Variants in CHRNA1 observed in about 807,000 individuals in gnomAD.
CHRNA1 encodes acetylcholine receptor subunit alpha.
In CHRNA1, 35 loss-of-function variants were observed where a neutral mutation model predicts 47.1. The ratio of observed to expected loss-of-function variants is 0.74; its 90% CI spans 0.57 to 0.99. The LOEUF is 0.99. Ranked by LOEUF, CHRNA1 falls within the 50% of genes least tolerant of loss-of-function variation. CHRNA1 has a pLI of 0.00. For synonymous variants in CHRNA1, 229 were observed against 223.6 expected, an observed-to-expected ratio of 1.02 and a Z score of -0.22; for missense variants, 506 against 591.1, an observed-to-expected ratio of 0.86 and a Z score of 1.49.
chr2:174,757,904 T>A, intron 3 of CHRNA1: 1 of 1,155,614 alleles, frequency 8.7e-7, no homozygotes, highest in Non-Finnish European at 1.3e-6. Flanking sequence ...TTAACTCATT[T>A]AGTCCTCACA....
At chr2:174,762,479 A>AT (rs1285109249) in intron 1 of CHRNA1, among the ~76,000 whole-genome samples, 2 of 152,266 alleles carry the variant, frequency 1.3e-5, no homozygotes, top group African/African-American at 4.8e-5. Context: ...TTCATGAAAT[A>AT]TTTGTTGAGC....
chr2:174,753,552 C>T lies in CHRNA1; in HGVS notation c.729G>A (p.Leu243=), dbSNP rs766474459. Residue 243 remains leucine (L), a synonymous_variant, in exon 6 of 9, where the codon CTG becomes CTA. Coordinates refer to ENST00000348749, the MANE Select transcript of CHRNA1 (RefSeq NM_000079.4). ...YFIVNVIIPC[L]LFSFLTGLVF... Reference sequence around the variant, plus strand: ...CCAGGCCAGTTAAGAAGGAGAAGAGCAGGCAGGGGATGATGACGTTGACGA... The same window carrying T: ...CCAGGCCAGTTAAGAAGGAGAAGAGTAGGCAGGGGATGATGACGTTGACGA... The T allele has an allele frequency of 6.2e-7, 1 of 1,614,164 alleles. No homozygotes were observed. Among genetic ancestry groups the T allele is most frequent in the African/African-American group, 1.3e-5 (1 of 75,026 alleles).
intron 4 of CHRNA1, among the ~76,000 whole-genome samples, chr2:174,754,990 A>G (rs1159131036): frequency 1.3e-5 from 2 of 151,222 alleles, no homozygotes. Context: ...GGCTCAAGCA[A>G]TTCTCCTGCC....
At chr2:174,759,708 G>A (rs1684062205) in intron 1 of CHRNA1, 75 bp from the exon 2 acceptor site, 7 of 1,587,760 alleles carry the variant, frequency 4.4e-6, no homozygotes, top group Non-Finnish European at 6.0e-6. Context: ...GAGGAACTGA[G>A]GAACTGAGGC....
At chr2:174,754,169 G>A (rs538486015) in intron 5 of CHRNA1, 50 bp downstream of exon 5, 39 of 1,568,506 alleles carry the variant, frequency 2.5e-5, no homozygotes, top group Admixed American at 2.0e-4. Flanking sequence ...TTGGAGACCC[G>A]AATCACAATT....
chr2:174,757,923 G>A (rs369214955), intron 3 of CHRNA1: 40 of 1,347,632 alleles, frequency 3.0e-5, no homozygotes, highest in Middle Eastern at 1.8e-4. Context: ...CAACAATCCC[G>A]TGAGGGGAGG....
intron 3 of CHRNA1, chr2:174,758,041 A>G: frequency 6.2e-7 from 1 of 1,614,096 alleles, no homozygotes; most frequent in Non-Finnish European, 8.5e-7. Context: ...ACAGAAAAGG[A>G]GAAAGACCTA....
Position 174,754,322 on chromosome 2 carries a change from C to G in CHRNA1, c.437G>C (p.Ser146Thr). The G allele has an allele frequency of 6.2e-7, 1 of 1,614,190 alleles. No individual in the cohort carries two copies. The highest frequency in any genetic ancestry group is 1.1e-5 in the South Asian group (1 of 91,080). ...GTGGGTGACGATGATCTCACAGTAGCTTTTAAAGATGGCTGGAGGTGTCCA... is the reference window on the plus strand; with the variant it reads ...GTGGGTGACGATGATCTCACAGTAGGTTTTAAAGATGGCTGGAGGTGTCCA... ...ITWTPPAIFKSYCEIIVTHFP... is the reference protein window; with the variant it reads ...ITWTPPAIFKTYCEIIVTHFP... The change falls in exon 5 of 9, where the codon AGC becomes ACC. Residue 146 changes from serine (S) to threonine (T), a missense_variant. By Grantham distance (58) the Ser-to-Thr change is moderately conservative. Transcript: ENST00000348749.
At position 174,760,710 on chromosome 2, in the gene CHRNA1, T is replaced by C. The variant is rs541954990; in HGVS notation, c.44-1077A>G. On this transcript the variant is annotated intron_variant, in intron 1 of 8. Coordinates refer to ENST00000348749, the MANE Select transcript of CHRNA1 (RefSeq NM_000079.4). ...TTAAAGTGGTTAAAATGGTAAATTT[T>C]ATGAAATGGGTATTTTACCACGATT... Among the ~76,000 whole-genome samples, 3 of 152,348 alleles carry C rather than the reference T, an allele frequency of 2.0e-5. No individual in the cohort carries two copies. The South Asian group carries it at 6.2e-4, about 32-fold the overall frequency.
Position 174,764,212 on chromosome 2 carries a change from G to A in CHRNA1, c.43+140C>T, listed in dbSNP as rs553609163. 4.5e-5 allele frequency: 38 copies of A among 842,950 alleles called. 1 individual carries two copies. The East Asian group carries it at 1.0e-3, about 23-fold the overall frequency. 52.2% of individuals were successfully genotyped at this position (842,950 alleles called of 1,614,324 possible). ...AACTCAATCAAGCTAACATCAGGAAGAAACTGACAGAGCAGCCCCTGGTTG... is the reference window on the plus strand; with the variant it reads ...AACTCAATCAAGCTAACATCAGGAAAAAACTGACAGAGCAGCCCCTGGTTG... On this transcript the variant is annotated intron_variant, in intron 1 of 8. Transcript: ENST00000348749.
intron 6 of CHRNA1, among the ~76,000 whole-genome samples, chr2:174,750,769 C>T (rs1001086389): frequency 2.0e-5 from 3 of 152,076 alleles, no homozygotes; most frequent in East Asian, 1.9e-4. Context: ...AAGCAGAAAA[C>T]GGAACAATAT....
At chr2:174,758,457 G>A (rs1431648205) in intron 3 of CHRNA1, among the ~76,000 whole-genome samples, 3 of 152,066 alleles carry the variant, frequency 2.0e-5, no homozygotes, top group Non-Finnish European at 4.4e-5. Flanking sequence ...AATCCAAAAT[G>A]CTCCGAAATC....
intron 3 of CHRNA1, chr2:174,758,042 G>T (rs1558914242): frequency 1.1e-5 from 17 of 1,614,032 alleles, no homozygotes; most frequent in Non-Finnish European, 1.4e-5. Context: ...CAGAAAAGGA[G>T]AAAGACCTAG....
At chr2:174,755,369 C>A (rs1683959589) in intron 4 of CHRNA1, among the ~76,000 whole-genome samples, 1 of 152,018 alleles carries the variant, frequency 6.6e-6, no homozygotes. Flanking sequence ...GGAATGAAGG[C>A]CCAATCTTGC....
intron 4 of CHRNA1, among the ~76,000 whole-genome samples, chr2:174,754,782 T>C (rs1399465314): frequency 6.6e-6 from 1 of 151,844 alleles, no homozygotes; most frequent in Admixed American, 6.6e-5. Context: ...ATCACCTCCC[T>C]GATGTACTAT....
At chr2:174,754,560 T>A in intron 4 of CHRNA1, 146 bp from the exon 5 acceptor site, 1 of 720,452 alleles carries the variant, frequency 1.4e-6, no homozygotes, top group East Asian at 2.7e-5. Context: ...TTTTATCTAT[T>A]GCAATGTTCC....
At chr2:174,763,329 C>T (rs973968607) in intron 1 of CHRNA1, among the ~76,000 whole-genome samples, 2 of 11,196 alleles carry the variant, frequency 1.8e-4, no homozygotes, top group African/African-American at 2.0e-4. Flanking sequence ...TGCACGCGCG[C>T]GCACACACAC....
chr2:174,757,614 T>G lies in CHRNA1; in HGVS notation c.296A>C (p.His99Pro), dbSNP rs1684007129. ...PDDYGGVKKI[H>P]IPSEKIWRPD... Reference sequence around the variant, plus strand: ...GCGCCAGATCTTTTCTGAAGGAATGTGAATTTTTTTCACACCGCCATAGTC... The same window carrying G: ...GCGCCAGATCTTTTCTGAAGGAATGGGAATTTTTTTCACACCGCCATAGTC... Residue 99 changes from histidine (H) to proline (P), a missense_variant, in exon 4 of 9, where the codon CAC (histidine) becomes CCC (proline). By Grantham distance (77) the His-to-Pro change is moderately conservative. Transcript: ENST00000348749. 1 of 1,614,080 alleles carries G rather than the reference T, an allele frequency of 6.2e-7. No homozygotes were observed. The highest frequency in any genetic ancestry group is 8.5e-7 in the Non-Finnish European group (1 of 1,180,042).
At chr2:174,762,178 T>A (rs1684112884) in intron 1 of CHRNA1, among the ~76,000 whole-genome samples, 1 of 152,186 alleles carries the variant, frequency 6.6e-6, no homozygotes, top group East Asian at 1.9e-4. Context: ...GCTTCATTTC[T>A]TAGATTGGTT....
Sources: gnomAD v4.1 joint callset for allele counts (sites outside exome capture counted in the v4.1 genomes callset) on GRCh38, gnomAD v4.1.1 for gene constraint, MANE v1.5 for transcripts, NCBI Gene and HGNC (gene_info 2026-07-23, HGNC 2026-07-21) for gene names.